The following PDE2A variants were observed in gnomAD, a reference collection of about 807,000 sequenced individuals.
PDE2A encodes phosphodiesterase 2A, also known as cGMP-dependent 3',5'-cyclic phosphodiesterase.
Under a neutral mutation model 133.6 loss-of-function variants are expected in PDE2A, and 53 were observed. The observed-to-expected ratio is 0.40, with a 90% CI of 0.32 to 0.50. The LOEUF is 0.50. Among genes scored for constraint, PDE2A ranks in the 20% least tolerant of loss-of-function variants. The pLI is 0.73. For missense variants in PDE2A, 796 were observed against 1,232.4 expected (o/e 0.65, Z 5.30); for synonymous variants, 491 against 490.2 (o/e 1.00, Z -0.02).
In PDE2A at chr11:72,577,135, A is replaced by C; in HGVS notation, c.*249T>G. The stretch of plus-strand genomic sequence containing the variant: ...CAAGGTGTGGTCAGAGGTGCAGAGT[A>C]GGGCCCACTGCTCATTGGTCACCCC... On this transcript the variant is annotated 3_prime_UTR_variant, in exon 31 of 31. Coordinates refer to ENST00000334456, the MANE Select transcript of PDE2A (RefSeq NM_002599.5). 2.0e-6 allele frequency: 1 copy of C among 505,502 alleles called. No homozygotes were observed. The highest frequency in any genetic ancestry group is 3.5e-6 in the Non-Finnish European group (1 of 282,676). 31.3% of individuals were successfully genotyped at this position (505,502 alleles called of 1,614,324 possible).
intron 20 of PDE2A, among the ~76,000 whole-genome samples, 185 bp from the exon 21 acceptor site, chr11:72,582,751 C>A (rs368800546): frequency 6.6e-6 from 1 of 152,152 alleles, no homozygotes; most frequent in Non-Finnish European, 1.5e-5. Context: ...GCCCACCCCG[C>A]GCGCCTCCCT....
At position 72,577,182 on chromosome 11, in the gene PDE2A, A is replaced by G; in HGVS notation, c.*202T>C. ...CCCCTGTGCTCTCAGAAAACAAATT[A>G]CAAAGTCTCCGTGAGGTTGGAAGTC... On this transcript the variant is annotated 3_prime_UTR_variant, in exon 31 of 31. Transcript: ENST00000334456. The G allele has an allele frequency of 1.7e-6, 1 of 577,034 alleles. No homozygotes were observed. Among genetic ancestry groups the G allele is most frequent in the South Asian group, 2.3e-5 (1 of 43,516 alleles). 35.7% of individuals were successfully genotyped at this position (577,034 alleles called of 1,614,324 possible). A position where few individuals can be genotyped will look rare whatever the true frequency, so the allele number is the denominator to read the frequency against.
chr11:72,584,611 C>G lies in PDE2A; in HGVS notation c.1477G>C (p.Asp493His). The change falls in exon 18 of 31, where the codon GAC becomes CAC. Residue 493 changes from aspartate to histidine, a missense_variant. By Grantham distance (81) the Asp-to-His change is moderately conservative (BLOSUM62 -1). Transcript: ENST00000334456. ...TTGCGCGTGCGGAAGCCGGTGCTGT[C>G]GTCCACGCCGCGGTAGAAAAGCGGA... is the stretch of plus-strand genomic sequence containing the variant. Reference protein sequence around the residue: ...AHPLFYRGVDDSTGFRTRNIL... With the variant: ...AHPLFYRGVDHSTGFRTRNIL... 1 of 1,612,836 alleles carries G rather than the reference C, an allele frequency of 6.2e-7. No homozygotes were observed. The highest frequency in any genetic ancestry group is 8.5e-7 in the Non-Finnish European group (1 of 1,180,036).
intron 2 of PDE2A, among the ~76,000 whole-genome samples, chr11:72,635,588 C>G (rs1858640147): frequency 6.6e-6 from 1 of 152,206 alleles, no homozygotes; most frequent in Non-Finnish European, 1.5e-5. Context: ...AGAATTGTCC[C>G]AGTTAGAACC....
rs1279386897 is a variant in PDE2A at position 72,580,631 on chromosome 11, A to T, written c.2134-7T>A. ...GCGCAGCCAGCACAGATTTCTGGAA[A>T]AGCCCAGGAAAACTGTGGTCACTCC... On this transcript the variant is annotated splice_polypyrimidine_tract_variant and splice_region_variant and intron_variant, in intron 24 of 30. Coordinates refer to ENST00000334456, the MANE Select transcript of PDE2A (RefSeq NM_002599.5). The T allele has an allele frequency of 1.3e-6, 2 of 1,561,780 alleles. No individual in the cohort carries two copies. Among genetic ancestry groups the T allele is most frequent in the Non-Finnish European group, 1.7e-6 (2 of 1,151,106 alleles).
chr11:72,651,482 G>C lies in PDE2A; in HGVS notation c.72-9156C>G, dbSNP rs341037. Reference sequence around the variant, plus strand: ...GTCCTGGAAGGGGCACGCAGGGAGAGGCCAGGGTCTGGGGGGGTGACTCGG... The same window carrying C: ...GTCCTGGAAGGGGCACGCAGGGAGACGCCAGGGTCTGGGGGGGTGACTCGG... On this transcript the variant is annotated intron_variant, in intron 1 of 30. Transcript: ENST00000334456. Among the ~76,000 whole-genome samples the C allele has an allele frequency of 8.7e-3, 1,326 of 152,242 alleles. 23 individuals carry two copies. The highest frequency in any genetic ancestry group is 0.03 in the African/African-American group (1,263 of 41,542).
At chr11:72,671,601 G>T (rs1855387181) in intron 1 of PDE2A, among the ~76,000 whole-genome samples, 1 of 152,106 alleles carries the variant, frequency 6.6e-6, no homozygotes, top group South Asian at 2.1e-4. Context: ...GCTGCTTGGT[G>T]GGCAGGGGGA....
intron 2 of PDE2A, among the ~76,000 whole-genome samples, chr11:72,620,333 G>A (rs949669224): frequency 6.6e-6 from 1 of 152,096 alleles, no homozygotes; most frequent in Admixed American, 6.5e-5. Flanking sequence ...CCAGGAGAAG[G>A]CCCCTCAGAA....
Position 72,597,543 on chromosome 11 carries a change from T to C in PDE2A, c.400A>G (p.Arg134Gly), listed in dbSNP as rs1225485469. The change falls in exon 5 of 31, where the codon AGG becomes GGG. Residue 134 changes from arginine to glycine, a missense_variant. Physicochemically the swap from Arg to Gly is moderately radical, Grantham distance 125. Coordinates refer to ENST00000334456, the MANE Select transcript of PDE2A (RefSeq NM_002599.5). This position sits in a 1 kb window ranked among gnomAD's most constrained non-coding sequence, Gnocchi z 4.6. Reference protein sequence around the residue: ...FSDLPGKPLARLVAPLAPDTQ... With the variant: ...FSDLPGKPLAGLVAPLAPDTQ... ...TCAGGAGCCAGTGGAGCCACCAGCC[T>C]GGCCAAGGGCTTCCCTGGCAGGTCT... The C allele has an allele frequency of 1.9e-6, 3 of 1,598,426 alleles. No individual in the cohort carries two copies. Among genetic ancestry groups the C allele is most frequent in the Non-Finnish European group, 8.5e-7 (1 of 1,170,808 alleles).
chr11:72,618,040 T>C (rs1394501080), intron 2 of PDE2A, among the ~76,000 whole-genome samples: 2 of 152,148 alleles, frequency 1.3e-5, no homozygotes, highest in Non-Finnish European at 2.9e-5. Context: ...TTGTTAAACA[T>C]AAATGTGACC....
At chr11:72,631,016 G>C in intron 2 of PDE2A, 3 of 1,357,606 alleles carry the variant, frequency 2.2e-6, no homozygotes, top group Middle Eastern at 1.8e-4. Flanking sequence ...CACTCAGACT[G>C]ATCTTCAGTC....
intron 2 of PDE2A, among the ~76,000 whole-genome samples, chr11:72,635,632 T>C (rs1374156901): frequency 6.6e-6 from 1 of 152,208 alleles, no homozygotes; most frequent in East Asian, 1.9e-4. Context: ...CTCAAAATCC[T>C]ATACTCCTAG....
intron 4 of PDE2A, among the ~76,000 whole-genome samples, chr11:72,604,491 C>T (rs944325752): frequency 1.3e-5 from 2 of 152,204 alleles, no homozygotes; most frequent in Non-Finnish European, 2.9e-5. Flanking sequence ...AACAGACAGC[C>T]CTCACCATGG....
At chr11:72,630,494 T>G (rs7934444) in intron 2 of PDE2A, among the ~76,000 whole-genome samples, 31,569 of 131,188 alleles carry the variant, frequency 0.24, 3,894 homozygotes, top group African/African-American at 0.39. Context: ...GGAAGCTGAG[T>G]GGGGAAGAGG....
chr11:72,583,260 G>A (rs1470908134), intron 20 of PDE2A, among the ~76,000 whole-genome samples, 178 bp downstream of exon 20: 2 of 152,208 alleles, frequency 1.3e-5, no homozygotes, highest in Non-Finnish European at 1.5e-5. Context: ...GAGCTCAGAA[G>A]CAGCTTGGAG....
At chr11:72,623,271 A>G (rs1857870339) in intron 2 of PDE2A, among the ~76,000 whole-genome samples, 1 of 151,602 alleles carries the variant, frequency 6.6e-6, no homozygotes, top group Admixed American at 6.6e-5. Context: ...CCATCCACAC[A>G]CCGACCCTCC....
intron 2 of PDE2A, chr11:72,621,926 A>G (rs977807213): frequency 6.6e-6 from 1 of 152,180 alleles, no homozygotes; most frequent in African/African-American, 2.4e-5. Context: ...GGAGAAAAAT[A>G]TTTGCAAAGC....
chr11:72,598,602 G>A (rs1478968565), intron 4 of PDE2A: 1 of 1,288,952 alleles, frequency 7.8e-7, no homozygotes, highest in South Asian at 1.2e-5. Context: ...TGTAGGAACT[G>A]CCTGGCCTGG....
intron 1 of PDE2A, among the ~76,000 whole-genome samples, chr11:72,672,640 C>T (rs1331142778): frequency 6.6e-6 from 1 of 152,030 alleles, no homozygotes; most frequent in Admixed American, 6.5e-5. Flanking sequence ...TATACAGTGT[C>T]TTCACTGCTC....
Sources: gnomAD v4.1 joint callset for allele counts (sites outside exome capture counted in the v4.1 genomes callset) on GRCh38, gnomAD v4.1.1 for gene constraint, Gnocchi (gnomAD v3.1) non-coding constraint, MANE v1.5 for transcripts, NCBI Gene and HGNC (gene_info 2026-07-23, HGNC 2026-07-21) for gene names.